The following PAICS variants were observed in gnomAD, a reference collection of about 807,000 sequenced individuals.
The protein encoded by PAICS is phosphoribosylaminoimidazole carboxylase and phosphoribosylaminoimidazolesuccinocarboxamide synthase.
In PAICS, 33 loss-of-function variants were observed where a neutral mutation model predicts 53.7. The ratio of observed to expected loss-of-function variants is 0.61; its 90% CI spans 0.47 to 0.82. The LOEUF (loss-of-function observed/expected upper bound fraction) is 0.82. Among genes scored for constraint, PAICS ranks in the 40% least tolerant of loss-of-function variants. The pLI is 0.00. For synonymous variants in PAICS, 141 were observed against 167.2 expected (o/e 0.84, Z 1.21); for missense variants, 394 against 494.1 (o/e 0.80, Z 1.92).
At chr4:56,411,110 A>T in the PAICS span, among the ~76,000 whole-genome samples, 3 of 152,128 alleles carry the variant, frequency 2.0e-5, no homozygotes, top group Non-Finnish European at 4.4e-5. Flanking sequence ...TTACCACTTT[A>T]AAAAAATCTG....
At chr4:56,437,056 GGTGT>G (rs57028021) in intron 1 of PAICS, among the ~76,000 whole-genome samples, 51 of 150,866 alleles carry the variant, frequency 3.4e-4, no homozygotes, top group African/African-American at 1.1e-3. Flanking sequence ...TTGATGCCAT[GGTGT>G]GTGTGTGTGT....
chr4:56,410,863 G>A, the PAICS span: 4 of 921,898 alleles, frequency 4.3e-6, no homozygotes, highest in East Asian at 1.5e-4. Context: ...ACCTGGAAAC[G>A]CTCAGCCCAA....
At chr4:56,435,416 C>A (rs769973255), upstream of PAICS, 1 of 1,613,920 alleles carries the variant, frequency 6.2e-7, no homozygotes. Context: ...GGGCCACTCT[C>A]CTGAGGCGAT....
the PAICS span, among the ~76,000 whole-genome samples, chr4:56,414,081 G>A: frequency 6.6e-6 from 1 of 152,058 alleles, no homozygotes; most frequent in East Asian, 1.9e-4. Flanking sequence ...AAATTTGCAT[G>A]ATTTTCTTGC....
chr4:56,454,488 A>C (rs1038173441), intron 8 of PAICS, among the ~76,000 whole-genome samples: 21 of 152,194 alleles, frequency 1.4e-4, no homozygotes, highest in African/African-American at 5.1e-4. Context: ...GACTAGTGGT[A>C]GTTTCTTAAG....
At chr4:56,443,156 TAA>T (rs1344112871) in intron 2 of PAICS, among the ~76,000 whole-genome samples, 1 of 152,196 alleles carries the variant, frequency 6.6e-6, no homozygotes, top group Non-Finnish European at 1.5e-5. Context: ...GCAATACCGA[TAA>T]GTGTTCCATC....
At chr4:56,453,541 A>T in intron 7 of PAICS, 62 bp from the exon 8 acceptor site, 1 of 1,288,558 alleles carries the variant, frequency 7.8e-7, no homozygotes, top group Non-Finnish European at 1.1e-6. Context: ...AAAAAAAAAA[A>T]AACCCTGTCT....
At chr4:56,444,679 T>G (rs1718512587) in intron 2 of PAICS, among the ~76,000 whole-genome samples, 1 of 152,226 alleles carries the variant, frequency 6.6e-6, no homozygotes, top group Admixed American at 6.5e-5. Context: ...TATTTAGCAG[T>G]ATTAGAAGCC....
At chr4:56,419,687 G>T in the PAICS span, 8 of 983,674 alleles carry the variant, frequency 8.1e-6, no homozygotes, top group Non-Finnish European at 9.7e-6. Context: ...AAGGAGGAAA[G>T]CACTGGACTG....
chr4:56,436,283 G>C lies in PAICS; in HGVS notation c.-30G>C. ...CTAGAGTTCTGCCTCGCTTCCCGGCGCGGTCGCAGCCCTCAGCCCACTTAG... is the reference window on the plus strand; with the variant it reads ...CTAGAGTTCTGCCTCGCTTCCCGGCCCGGTCGCAGCCCTCAGCCCACTTAG... On this transcript the variant is annotated 5_prime_UTR_variant, in exon 1 of 9. Coordinates refer to ENST00000512576, the MANE Select transcript of PAICS (RefSeq NM_001079524.2). 2 of 1,595,502 alleles carry C rather than the reference G, an allele frequency of 1.3e-6. No homozygotes were observed. The highest frequency in any genetic ancestry group is 1.7e-6 in the Non-Finnish European group (2 of 1,171,734).
chr4:56,427,709 G>A, the PAICS span, among the ~76,000 whole-genome samples: 2 of 151,496 alleles, frequency 1.3e-5, no homozygotes, highest in Non-Finnish European at 2.9e-5. Context: ...GAGAATTTAA[G>A]ATGAGAGGAA....
upstream of PAICS, among the ~76,000 whole-genome samples, chr4:56,433,077 C>G (rs941448962): frequency 6.6e-6 from 1 of 151,214 alleles, no homozygotes; most frequent in Non-Finnish European, 1.5e-5. Flanking sequence ...TTTCGAGCAG[C>G]AGATAATTGT....
chr4:56,427,133 G>A, the PAICS span, among the ~76,000 whole-genome samples: 1 of 152,234 alleles, frequency 6.6e-6, no homozygotes, highest in South Asian at 2.1e-4. Flanking sequence ...ATCCATCGAT[G>A]GTTATCTGGG....
chr4:56,439,367 G>A (rs1718218834), intron 1 of PAICS, among the ~76,000 whole-genome samples: 1 of 152,160 alleles, frequency 6.6e-6, no homozygotes, highest in South Asian at 2.1e-4. Flanking sequence ...CTCCCAAGTA[G>A]CAAGGATTAC....
In PAICS at chr4:56,459,564, G is replaced by T; in HGVS notation, c.*26G>T. The T allele has an allele frequency of 6.8e-7, 1 of 1,479,232 alleles. No homozygotes were observed. Among genetic ancestry groups the T allele is most frequent in the Non-Finnish European group, 9.1e-7 (1 of 1,093,270 alleles). The allele number at this position is 1,479,232 out of a possible 1,614,324, so 91.6% of individuals were successfully genotyped here. A position where few individuals can be genotyped will look rare whatever the true frequency, so the allele number is the denominator to read the frequency against. ...GAAAGAATGCCATTGAATTTTTTAG[G>T]GGAAAAACTACAAATTTCTAATTTA... On this transcript the variant is annotated 3_prime_UTR_variant, in exon 9 of 9. Coordinates refer to ENST00000512576, the MANE Select transcript of PAICS (RefSeq NM_001079524.2).
At chr4:56,413,725 G>A in the PAICS span, among the ~76,000 whole-genome samples, 15 of 151,940 alleles carry the variant, frequency 9.9e-5, no homozygotes, top group Middle Eastern at 3.4e-3. Flanking sequence ...GTGAAACCCC[G>A]TCTCTACTAA....
At position 56,452,961 on chromosome 4, in the gene PAICS, G is replaced by A. The variant is rs572780888; in HGVS notation, c.953-642G>A. 3.8e-4 allele frequency among the ~76,000 whole-genome samples: 58 copies of A among 152,254 alleles called. 1 individual carries two copies. The highest frequency in any genetic ancestry group is 1.1e-3 in the African/African-American group (46 of 41,540). ...AGGTTGGGGGAACTCAGACTCCTTT[G>A]ATAGCTAATGAATTCTAGAACTCTT... On this transcript the variant is annotated intron_variant, in intron 7 of 8. Coordinates refer to ENST00000512576, the MANE Select transcript of PAICS (RefSeq NM_001079524.2).
intron 7 of PAICS, 130 bp downstream of exon 7, chr4:56,452,182 GCTTT>G: frequency 1.6e-6 from 1 of 626,548 alleles, no homozygotes; most frequent in Non-Finnish European, 2.7e-6. Context: ...GATATACTAG[GCTTT>G]CTTTTTTTTT....
At chr4:56,427,922 C>T in the PAICS span, among the ~76,000 whole-genome samples, 1 of 152,098 alleles carries the variant, frequency 6.6e-6, no homozygotes, top group Non-Finnish European at 1.5e-5. Flanking sequence ...GTAGAGAATA[C>T]AGTAGAGAAA....
Sources: gnomAD v4.1 joint callset for allele counts (sites outside exome capture counted in the v4.1 genomes callset) on GRCh38, gnomAD v4.1.1 for gene constraint, MANE v1.5 for transcripts, NCBI Gene and HGNC (gene_info 2026-07-23, HGNC 2026-07-21) for gene names.